Variants in HMG20A observed in about 807,000 individuals in gnomAD.
The protein encoded by HMG20A is high mobility group protein 20A.
A neutral mutation model predicts 43.9 loss-of-function variants in HMG20A; 17 were observed. The ratio of observed to expected loss-of-function variants is 0.39; its 90% CI spans 0.27 to 0.58. The LOEUF (loss-of-function observed/expected upper bound fraction) is 0.58. Among genes scored for constraint, HMG20A ranks in the 20% least tolerant of loss-of-function variants. HMG20A has a pLI of 0.59. For synonymous variants in HMG20A, 132 were observed against 147.5 expected (o/e 0.89, Z 0.76); for missense variants, 341 against 438.2 (o/e 0.78, Z 1.98).
At chr15:77,436,194 A>G (rs2073545898) in intron 1 of HMG20A, among the ~76,000 whole-genome samples, 1 of 152,110 alleles carries the variant, frequency 6.6e-6, no homozygotes, top group Non-Finnish European at 1.5e-5. Context: ...TCAGTCTACT[A>G]ATTTCTTCGT....
At chr15:77,453,002 G>A (rs548758791) in intron 1 of HMG20A, among the ~76,000 whole-genome samples, 1 of 152,328 alleles carries the variant, frequency 6.6e-6, no homozygotes, top group South Asian at 2.1e-4. Context: ...TGAGGTGGGT[G>A]GCACCTCTTG....
At chr15:77,441,712 G>A (rs1414483431) in intron 1 of HMG20A, among the ~76,000 whole-genome samples, 3 of 152,100 alleles carry the variant, frequency 2.0e-5, no homozygotes, top group Admixed American at 6.6e-5. Flanking sequence ...CAAATTTTGA[G>A]TGAATTTGTT....
At chr15:77,468,342 G>A (rs889558988) in intron 4 of HMG20A, among the ~76,000 whole-genome samples, 3 of 151,734 alleles carry the variant, frequency 2.0e-5, no homozygotes, top group Non-Finnish European at 2.9e-5. Context: ...CTTATTTCTT[G>A]GGATAACCAC....
At chr15:77,506,087 A>C in the HMG20A span, among the ~76,000 whole-genome samples, 5 of 152,104 alleles carry the variant, frequency 3.3e-5, no homozygotes, top group African/African-American at 1.2e-4. Flanking sequence ...AAAAAAAAAA[A>C]AAAACCCTTT....
At chr15:77,491,620 G>A in the HMG20A span, among the ~76,000 whole-genome samples, 1 of 152,060 alleles carries the variant, frequency 6.6e-6, no homozygotes, top group Non-Finnish European at 1.5e-5. Flanking sequence ...ACTACAATAG[G>A]GTCTGATAAA....
chr15:77,513,914 C>T, the HMG20A span, among the ~76,000 whole-genome samples: 6 of 152,100 alleles, frequency 3.9e-5, no homozygotes, highest in African/African-American at 1.2e-4. Context: ...TCAGTAGAGA[C>T]GGCGTTTCAC....
chr15:77,434,774 C>T (rs1199862080), intron 1 of HMG20A, among the ~76,000 whole-genome samples: 1 of 152,110 alleles, frequency 6.6e-6, no homozygotes, highest in African/African-American at 2.4e-5. Context: ...GACACTGAAA[C>T]TCATATGTTT....
chr15:77,514,853 G>C, the HMG20A span, among the ~76,000 whole-genome samples: 6 of 152,302 alleles, frequency 3.9e-5, no homozygotes, highest in East Asian at 3.9e-4. Flanking sequence ...GTCCCAGCTC[G>C]GGGTGGCGGT....
chr15:77,443,868 G>A lies in HMG20A; in HGVS notation c.-4-14536G>A, dbSNP rs558154810. On this transcript the variant is annotated intron_variant, in intron 1 of 9. Transcript: ENST00000336216. The stretch of plus-strand genomic sequence containing the variant: ...TGGGATCACAGGCGCGTGCCCCCAT[G>A]CCCAGATAATTTTTGTATTTTTGGT... Among the ~76,000 whole-genome samples the A allele has an allele frequency of 2.3e-4, 35 of 152,000 alleles. 1 individual carries two copies. In the South Asian group the frequency reaches 4.6e-3, roughly 20 times the overall value.
chr15:77,428,384 AAAG>A (rs2142269556), intron 1 of HMG20A, among the ~76,000 whole-genome samples: 1 of 152,342 alleles, frequency 6.6e-6, no homozygotes, highest in South Asian at 2.1e-4. Flanking sequence ...CCCACAAAGT[AAAG>A]TAACCTTTTA....
intron 2 of HMG20A, among the ~76,000 whole-genome samples, chr15:77,462,813 C>T (rs1410292326): frequency 6.8e-6 from 1 of 146,202 alleles, no homozygotes; most frequent in Admixed American, 6.9e-5. Flanking sequence ...TACTCTGTCA[C>T]CCAGGTTGGA....
the HMG20A span, among the ~76,000 whole-genome samples, chr15:77,493,686 G>T: frequency 5.9e-5 from 9 of 152,192 alleles, no homozygotes; most frequent in African/African-American, 2.2e-4. Context: ...TGGGGAAGAG[G>T]ATGGAATACA....
intron 1 of HMG20A, among the ~76,000 whole-genome samples, chr15:77,421,555 G>A (rs2073343066): frequency 6.6e-6 from 1 of 152,232 alleles, no homozygotes; most frequent in Admixed American, 6.5e-5. Flanking sequence ...TTGGCTGGGT[G>A]AAGTGTGGTG....
rs114547308 is a variant in HMG20A at position 77,424,131 on chromosome 15, G to C, written c.-5+3127G>C. Among the ~76,000 whole-genome samples the C allele has an allele frequency of 4.5e-3, 686 of 152,252 alleles. 5 individuals are homozygous for C. The highest frequency in any genetic ancestry group is 0.016 in the African/African-American group (657 of 41,544). ...AGATCTATGTTATGATCGTTGTTCAGACTGGGTAAAGAAGCAGCCCTAAAC... is the reference window on the plus strand; with the variant it reads ...AGATCTATGTTATGATCGTTGTTCACACTGGGTAAAGAAGCAGCCCTAAAC... On this transcript the variant is annotated intron_variant, in intron 1 of 9. Transcript: ENST00000336216.
At chr15:77,447,445 T>G (rs940762432) in intron 1 of HMG20A, among the ~76,000 whole-genome samples, 1 of 152,228 alleles carries the variant, frequency 6.6e-6, no homozygotes, top group Non-Finnish European at 1.5e-5. Context: ...GTCCTAATAT[T>G]GACAGTTCTC....
At chr15:77,447,318 A>T (rs1257184651) in intron 1 of HMG20A, among the ~76,000 whole-genome samples, 4 of 152,194 alleles carry the variant, frequency 2.6e-5, no homozygotes, top group Non-Finnish European at 5.9e-5. Flanking sequence ...TTGCTTTGGA[A>T]GAGGAAGTGT....
chr15:77,434,872 G>A (rs1362605400), intron 1 of HMG20A, among the ~76,000 whole-genome samples: 1 of 152,130 alleles, frequency 6.6e-6, no homozygotes, highest in African/African-American at 2.4e-5. Context: ...TGACCCAGCT[G>A]TTCCTAGGTA....
intron 1 of HMG20A, among the ~76,000 whole-genome samples, chr15:77,443,311 A>T (rs1053222104): frequency 8.1e-5 from 12 of 148,916 alleles, no homozygotes; most frequent in African/African-American, 3.0e-4. Flanking sequence ...GAACATTTTG[A>T]TGTGTTTCCT....
At chr15:77,440,008 C>A (rs939820587) in intron 1 of HMG20A, among the ~76,000 whole-genome samples, 2 of 151,694 alleles carry the variant, frequency 1.3e-5, no homozygotes, top group African/African-American at 4.8e-5. Flanking sequence ...TATTTAGCCC[C>A]CTTTTTTAAA....
Sources: gnomAD v4.1 joint callset for allele counts (sites outside exome capture counted in the v4.1 genomes callset) on GRCh38, gnomAD v4.1.1 for gene constraint, MANE v1.5 for transcripts, NCBI Gene and HGNC (gene_info 2026-07-23, HGNC 2026-07-21) for gene names.